GALNTL6: variants seen among roughly 807,000 people sequenced by gnomAD.
The protein encoded by GALNTL6 is polypeptide N-acetylgalactosaminyltransferase like 6, also known as polypeptide N-acetylgalactosaminyltransferase-like 6.
In GALNTL6, 46 loss-of-function variants were observed where a neutral mutation model predicts 73.7. That is an observed-to-expected ratio of 0.62 (90% CI 0.49 to 0.80). GALNTL6 has a LOEUF of 0.80. Among genes scored for constraint, GALNTL6 ranks in the 30% least tolerant of loss-of-function variants. The pLI, the probability that GALNTL6 is intolerant of heterozygous loss-of-function variation, is 0.00. For synonymous variants in GALNTL6, 259 were observed against 263.7 expected, an observed-to-expected ratio of 0.98 and a Z score of 0.17; for missense variants, 604 against 755.0, an observed-to-expected ratio of 0.80 and a Z score of 2.34.
chr4:172,402,942 A>G (rs1744093613), intron 5 of GALNTL6, among the ~76,000 whole-genome samples: 1 of 152,120 alleles, frequency 6.6e-6, no homozygotes, highest in Non-Finnish European at 1.5e-5. Flanking sequence ...ATTCTCCAGC[A>G]TTTAAACCTG....
chr4:171,971,219 A>G (rs1277024963), intron 2 of GALNTL6, among the ~76,000 whole-genome samples: 1 of 152,210 alleles, frequency 6.6e-6, no homozygotes, highest in African/African-American at 2.4e-5. Context: ...TCCTGATGCC[A>G]CCATTCCCGA....
chr4:171,883,457 A>G (rs1736514612), intron 2 of GALNTL6, among the ~76,000 whole-genome samples: 1 of 152,124 alleles, frequency 6.6e-6, no homozygotes, highest in African/African-American at 2.4e-5. Flanking sequence ...CCCATGCATC[A>G]GCCTGCTTCA....
intron 2 of GALNTL6, among the ~76,000 whole-genome samples, chr4:172,183,291 A>G (rs974667051): frequency 2.0e-5 from 3 of 152,306 alleles, no homozygotes; most frequent in East Asian, 3.9e-4. Flanking sequence ...CCGTTCCATT[A>G]TATCTCCATC....
chr4:172,187,220 T>C (rs571551105), intron 2 of GALNTL6, among the ~76,000 whole-genome samples: 149 of 152,190 alleles, frequency 9.8e-4, no homozygotes, highest in African/African-American at 3.5e-3. Context: ...GGTAATGAAA[T>C]TTTAAAAAAA....
At chr4:172,950,235 A>G (rs1188816914) in intron 9 of GALNTL6, among the ~76,000 whole-genome samples, 2 of 152,318 alleles carry the variant, frequency 1.3e-5, no homozygotes, top group East Asian at 3.9e-4. Flanking sequence ...GGTAAACTGG[A>G]GTCCAAGGAG....
At chr4:172,426,964 G>A (rs923707047) in intron 5 of GALNTL6, among the ~76,000 whole-genome samples, 2 of 151,384 alleles carry the variant, frequency 1.3e-5, no homozygotes, top group Non-Finnish European at 2.9e-5. Flanking sequence ...GTATTCTGTG[G>A]GTCAATGTGG....
intron 2 of GALNTL6, among the ~76,000 whole-genome samples, chr4:171,838,398 C>T (rs1408220756): frequency 1.3e-5 from 2 of 152,070 alleles, no homozygotes; most frequent in Non-Finnish European, 2.9e-5. Flanking sequence ...GCTGAGATTA[C>T]AGTTGTGAGC....
chr4:172,885,390 C>T (rs1745667413), intron 8 of GALNTL6, among the ~76,000 whole-genome samples: 1 of 151,998 alleles, frequency 6.6e-6, no homozygotes, highest in Admixed American at 6.6e-5. Flanking sequence ...TTCTTGATTG[C>T]TTTTCAGATT....
chr4:172,458,309 T>C (rs1267262943), intron 5 of GALNTL6, among the ~76,000 whole-genome samples: 1 of 150,852 alleles, frequency 6.6e-6, no homozygotes, highest in Non-Finnish European at 1.5e-5. Context: ...CAATTAAAAC[T>C]ACTAGAGAAA....
chr4:172,244,953 C>T (rs1380132451), intron 3 of GALNTL6, among the ~76,000 whole-genome samples: 1 of 152,046 alleles, frequency 6.6e-6, no homozygotes, highest in African/African-American at 2.4e-5. Context: ...GTAAATGCCC[C>T]ACATTTGTGA....
chr4:172,015,464 A>G (rs1434339882), intron 2 of GALNTL6, among the ~76,000 whole-genome samples: 3 of 152,110 alleles, frequency 2.0e-5, no homozygotes, highest in Non-Finnish European at 2.9e-5. Flanking sequence ...TCTCTTGAAG[A>G]CAGCAGATAC....
chr4:172,281,299 C>T lies in GALNTL6; in HGVS notation c.248-30315C>T, dbSNP rs181214986. On this transcript the variant is annotated intron_variant, in intron 3 of 12. Coordinates refer to ENST00000506823, the MANE Select transcript of GALNTL6 (RefSeq NM_001034845.3). ...AAAATGTATGTTGCTTTTCCTAGCT[C>T]CTAGAGACTGCCTCCATTCTTTGCC... 2.0e-5 allele frequency among the ~76,000 whole-genome samples: 3 copies of T among 152,324 alleles called. No homozygotes were observed. In the East Asian group the frequency reaches 5.8e-4, roughly 29 times the overall value.
rs941492907 is a variant in GALNTL6, at chr4:172,323,703, G to A, written c.386+11951G>A. Among the ~76,000 whole-genome samples the A allele has an allele frequency of 8.7e-4, 133 of 152,116 alleles. 1 individual carries two copies. Among genetic ancestry groups the A allele is most frequent in the African/African-American group, 3.2e-3 (131 of 41,518 alleles). ...TCTGATAATTATTTTTAGGAGATCTGGATTTCACAGAATTTAACTACCTGA... is the reference window on the plus strand; with the variant it reads ...TCTGATAATTATTTTTAGGAGATCTAGATTTCACAGAATTTAACTACCTGA... On this transcript the variant is annotated intron_variant, in intron 4 of 12. Transcript: ENST00000506823.
intron 2 of GALNTL6, among the ~76,000 whole-genome samples, chr4:171,835,913 T>A (rs867461713): frequency 1.3e-5 from 2 of 152,040 alleles, no homozygotes; most frequent in South Asian, 4.1e-4. Flanking sequence ...AAATATTTTT[T>A]AAATGTTATT....
chr4:173,020,160 C>A (rs556709993), intron 11 of GALNTL6, among the ~76,000 whole-genome samples: 1 of 152,204 alleles, frequency 6.6e-6, no homozygotes, highest in South Asian at 2.1e-4. Flanking sequence ...TTAAGGATTT[C>A]TCCTACTGTA....
At chr4:171,871,790 A>G (rs1253673437) in intron 2 of GALNTL6, among the ~76,000 whole-genome samples, 1 of 152,202 alleles carries the variant, frequency 6.6e-6, no homozygotes, top group Non-Finnish European at 1.5e-5. Flanking sequence ...CTGTTGTAAC[A>G]ATTACATTAT....
At chr4:172,183,668 T>C (rs1182051030) in intron 2 of GALNTL6, among the ~76,000 whole-genome samples, 1 of 152,206 alleles carries the variant, frequency 6.6e-6, no homozygotes, top group Non-Finnish European at 1.5e-5. Context: ...CCCATGGTAG[T>C]GTGAGACTGC....
intron 2 of GALNTL6, among the ~76,000 whole-genome samples, chr4:171,861,904 G>T (rs989405): frequency 0.012 from 1,790 of 152,184 alleles, 55 homozygotes; most frequent in East Asian, 0.11. Context: ...TATATGTAGT[G>T]ACCACTGGCC....
intron 8 of GALNTL6, among the ~76,000 whole-genome samples, chr4:172,926,345 T>G (rs1748058359): frequency 6.6e-6 from 1 of 152,188 alleles, no homozygotes; most frequent in South Asian, 2.1e-4. Flanking sequence ...ATAGGGTGGA[T>G]GGATACAAAC....
Sources: gnomAD v4.1 joint callset for allele counts (sites outside exome capture counted in the v4.1 genomes callset) on GRCh38, gnomAD v4.1.1 for gene constraint, MANE v1.5 for transcripts, NCBI Gene and HGNC (gene_info 2026-07-23, HGNC 2026-07-21) for gene names.